The following PHKB variants were observed in gnomAD, a reference collection of about 807,000 sequenced individuals.
The protein encoded by PHKB is phosphorylase b kinase regulatory subunit beta.
Under a neutral mutation model 152.1 loss-of-function variants are expected in PHKB, and 122 were observed. That is an observed-to-expected ratio of 0.80 (90% CI 0.69 to 0.93). The LOEUF (loss-of-function observed/expected upper bound fraction) is 0.93. Ranked by LOEUF, PHKB falls within the 40% of genes least tolerant of loss-of-function variation. The pLI is 0.00. For missense variants in PHKB, 1,304 were observed against 1,328.4 expected (o/e 0.98, Z 0.29); for synonymous variants, 436 against 464.9 (o/e 0.94, Z 0.80).
At chr16:47,613,716 C>A (rs1388349544) in intron 14 of PHKB, among the ~76,000 whole-genome samples, 1 of 152,178 alleles carries the variant, frequency 6.6e-6, no homozygotes, top group Non-Finnish European at 1.5e-5. Context: ...ATTGTACCAT[C>A]CCATATCACC....
intron 26 of PHKB, among the ~76,000 whole-genome samples, chr16:47,680,069 A>G (rs899923907): frequency 6.6e-6 from 1 of 152,216 alleles, no homozygotes; most frequent in Non-Finnish European, 1.5e-5. Flanking sequence ...GCTGGATTAC[A>G]TTTATTGATT....
At chr16:47,684,061 C>T (rs114219490) in intron 26 of PHKB, among the ~76,000 whole-genome samples, 3,205 of 150,814 alleles carry the variant, frequency 0.021, 119 homozygotes, top group African/African-American at 0.074. Flanking sequence ...TGGTCAGGTG[C>T]AGTGGCTTAT....
At chr16:47,670,861 T>C (rs1221085310) in intron 26 of PHKB, among the ~76,000 whole-genome samples, 1 of 152,160 alleles carries the variant, frequency 6.6e-6, no homozygotes, top group Admixed American at 6.5e-5. Context: ...CTTCATGTCA[T>C]TGATTACTTT....
At position 47,587,775 on chromosome 16, in the gene PHKB, A is replaced by C; in HGVS notation, c.870+12A>C. ...AATCAAGATCACATGTGAGACATTTAATAATGATAAATTTAACATGAACTA... is the reference window on the plus strand; with the variant it reads ...AATCAAGATCACATGTGAGACATTTCATAATGATAAATTTAACATGAACTA... On this transcript the variant is annotated intron_variant, in intron 9 of 30. Coordinates refer to ENST00000323584, the MANE Select transcript of PHKB (RefSeq NM_000293.3). 1 of 1,540,460 alleles carries C rather than the reference A, an allele frequency of 6.5e-7. No homozygotes were observed. Among genetic ancestry groups the C allele is most frequent in the Non-Finnish European group, 9.0e-7 (1 of 1,112,968 alleles).
At chr16:47,567,664 G>A (rs758247337) in intron 7 of PHKB, among the ~76,000 whole-genome samples, 1 of 152,102 alleles carries the variant, frequency 6.6e-6, no homozygotes, top group Non-Finnish European at 1.5e-5. Context: ...ATATGATGTT[G>A]GCTGTGGATT....
intron 26 of PHKB, among the ~76,000 whole-genome samples, chr16:47,683,245 C>T (rs1371710094): frequency 6.6e-6 from 1 of 152,240 alleles, no homozygotes; most frequent in East Asian, 1.9e-4. Context: ...TGCCTGTTCT[C>T]ACATCTCCAG....
intron 26 of PHKB, among the ~76,000 whole-genome samples, chr16:47,675,159 C>A (rs1297880678): frequency 6.6e-6 from 1 of 152,132 alleles, no homozygotes; most frequent in Non-Finnish European, 1.5e-5. Context: ...AATTAGATAA[C>A]TTTCCCAAGG....
rs140671243 is a variant in PHKB at position 47,472,354 on chromosome 16, C to T, written c.76+10928C>T. Among the ~76,000 whole-genome samples the T allele has an allele frequency of 2.4e-4, 36 of 152,196 alleles. No individual in the cohort carries two copies. The East Asian group carries it at 7.0e-3, about 29-fold the overall frequency. On this transcript the variant is annotated intron_variant, in intron 1 of 30. Coordinates refer to ENST00000323584, the MANE Select transcript of PHKB (RefSeq NM_000293.3). ...TTGGGACACATCTATTTTCAAATCC[C>T]TGATTAGAAAACAACTGCCCATTGC...
rs371224839 is a variant in PHKB, at chr16:47,610,159, A to ATTTTTT, written c.1364-649_1364-644dup. Among the ~76,000 whole-genome samples the ATTTTTT allele has an allele frequency of 2.2e-3, 217 of 99,406 alleles. 1 individual carries two copies. The highest frequency in any genetic ancestry group is 7.4e-3 in the African/African-American group (180 of 24,418). The allele number at this position is 99,406 out of a possible 152,430, so 65.2% of individuals were successfully genotyped here. A position where few individuals can be genotyped will look rare whatever the true frequency, so the allele number is the denominator to read the frequency against. ...AGGCACACACAACCATGCCCAGCTA[A>ATTTTTT]TTTTTTTTTTTTTTTTTTTTTTTGT... On this transcript the variant is annotated intron_variant, in intron 13 of 30. Transcript: ENST00000323584.
chr16:47,555,234 T>C (rs560490846), intron 7 of PHKB, among the ~76,000 whole-genome samples: 1 of 152,372 alleles, frequency 6.6e-6, no homozygotes, highest in South Asian at 2.1e-4. Flanking sequence ...CTTCATTTTA[T>C]GTATCTTTGC....
intron 1 of PHKB, among the ~76,000 whole-genome samples, chr16:47,486,493 T>G (rs1176803367): frequency 6.6e-6 from 1 of 152,230 alleles, no homozygotes; most frequent in East Asian, 1.9e-4. Context: ...TAGACTGTTG[T>G]TCTATGGGAA....
At chr16:47,699,199 G>C in intron 30 of PHKB, 30 bp from the exon 31 acceptor site, 1 of 1,611,426 alleles carries the variant, frequency 6.2e-7, no homozygotes, top group Non-Finnish European at 8.5e-7. Flanking sequence ...ACAGAAGATC[G>C]AATGCCTTGC....
At chr16:47,498,889 T>A (rs1265905036) in intron 2 of PHKB, among the ~76,000 whole-genome samples, 1 of 152,138 alleles carries the variant, frequency 6.6e-6, no homozygotes, top group Non-Finnish European at 1.5e-5. Flanking sequence ...GGTTATAGAG[T>A]GAGACCCTGT....
rs538504706 is a variant in PHKB, at chr16:47,652,769, A to G, written c.1971+1848A>G. ...GGGATCCTCCCACCTCAGCCTCCCA[A>G]GTAGCTGGGACTACAGGTACATGCC... is the stretch of plus-strand genomic sequence containing the variant. On this transcript the variant is annotated intron_variant, in intron 20 of 30. Coordinates refer to ENST00000323584, the MANE Select transcript of PHKB (RefSeq NM_000293.3). Among the ~76,000 whole-genome samples the G allele has an allele frequency of 2.6e-5, 4 of 152,106 alleles. No homozygotes were observed. The East Asian group carries it at 5.8e-4, about 22-fold the overall frequency.
chr16:47,651,485 T>C (rs947721662), intron 20 of PHKB, among the ~76,000 whole-genome samples: 3 of 152,214 alleles, frequency 2.0e-5, no homozygotes, highest in Admixed American at 6.5e-5. Context: ...CTGCCTGGAC[T>C]ATCCTTCCTT....
At chr16:47,509,732 G>C (rs1007308906) in intron 4 of PHKB, among the ~76,000 whole-genome samples, 2 of 152,160 alleles carry the variant, frequency 1.3e-5, no homozygotes, top group Non-Finnish European at 2.9e-5. Flanking sequence ...GGACTCTACA[G>C]CTATACTGTT....
At chr16:47,561,227 T>C (rs1971470369) in intron 7 of PHKB, 1 of 152,206 alleles carries the variant, frequency 6.6e-6, no homozygotes, top group African/African-American at 2.4e-5. Flanking sequence ...GAATCTTCAG[T>C]AACTTAAAAA....
chr16:47,536,915 G>A (rs1299168402), intron 6 of PHKB, among the ~76,000 whole-genome samples: 1 of 152,230 alleles, frequency 6.6e-6, no homozygotes, highest in African/African-American at 2.4e-5. Flanking sequence ...TTGAACGGGG[G>A]CTGAAGGAAG....
intron 23 of PHKB, among the ~76,000 whole-genome samples, 172 bp downstream of exon 23, chr16:47,661,972 G>A (rs1323774223): frequency 6.6e-6 from 1 of 152,178 alleles, no homozygotes; most frequent in Non-Finnish European, 1.5e-5. Flanking sequence ...GAGTGGAGGA[G>A]ACTGATGTAT....
Sources: gnomAD v4.1 joint callset for allele counts (sites outside exome capture counted in the v4.1 genomes callset) on GRCh38, gnomAD v4.1.1 for gene constraint, MANE v1.5 for transcripts, NCBI Gene and HGNC (gene_info 2026-07-23, HGNC 2026-07-21) for gene names.